The following ERBB4 variants were observed in gnomAD, a reference collection of about 807,000 sequenced individuals.
ERBB4 encodes receptor tyrosine-protein kinase erbB-4.
A neutral mutation model predicts 158.0 loss-of-function variants in ERBB4; 42 were observed. The ratio of observed to expected loss-of-function variants is 0.27; its 90% CI spans 0.21 to 0.34. The LOEUF (loss-of-function observed/expected upper bound fraction) is 0.34, where lower values mean the gene tolerates loss of function less well. Among genes scored for constraint, ERBB4 ranks in the 10% least tolerant of loss-of-function variants. The pLI is 1.00. For synonymous variants in ERBB4, 583 were observed against 558.7 expected, an observed-to-expected ratio of 1.04 and a Z score of -0.61; for missense variants, 1,333 against 1,624.1, an observed-to-expected ratio of 0.82 and a Z score of 3.08.
intron 2 of ERBB4, among the ~76,000 whole-genome samples, chr2:212,054,818 T>C (rs2077504426): frequency 6.6e-6 from 1 of 152,116 alleles, no homozygotes. Flanking sequence ...GATTAATATT[T>C]TGGAGTCCAA....
intron 20 of ERBB4, among the ~76,000 whole-genome samples, chr2:211,523,071 C>T (rs893163919): frequency 1.3e-5 from 2 of 149,840 alleles, no homozygotes; most frequent in African/African-American, 4.9e-5. Context: ...GGAAATAACA[C>T]TGGATAGAAT....
intron 1 of ERBB4, among the ~76,000 whole-genome samples, chr2:212,155,361 TC>T (rs2125636417): frequency 9.5e-6 from 1 of 105,742 alleles, no homozygotes; most frequent in East Asian, 2.0e-4. Context: ...AATAGTCATA[TC>T]CCACACCCCA....
intron 3 of ERBB4, among the ~76,000 whole-genome samples, chr2:211,935,849 A>G (rs1029106476): frequency 6.6e-6 from 1 of 152,184 alleles, no homozygotes; most frequent in Non-Finnish European, 1.5e-5. Flanking sequence ...AAGAGAGATC[A>G]TATTTGCAAA....
intron 1 of ERBB4, among the ~76,000 whole-genome samples, chr2:212,507,714 G>A (rs902063442): frequency 6.6e-6 from 1 of 152,136 alleles, no homozygotes; most frequent in African/African-American, 2.4e-5. Flanking sequence ...AACAGATGAG[G>A]AATTGCTTCT....
chr2:211,684,470 A>G (rs982201164), intron 12 of ERBB4, among the ~76,000 whole-genome samples: 7 of 151,720 alleles, frequency 4.6e-5, no homozygotes, highest in African/African-American at 1.7e-4. Flanking sequence ...ATAAAAAAAG[A>G]AAAGAAAAGA....
At chr2:211,884,440 A>G (rs1423392633) in intron 3 of ERBB4, among the ~76,000 whole-genome samples, 1 of 152,056 alleles carries the variant, frequency 6.6e-6, no homozygotes, top group Non-Finnish European at 1.5e-5. Flanking sequence ...TCTTACTTTT[A>G]TTTTTCCCTC....
At chr2:212,160,134 GA>G (rs2081160641) in intron 1 of ERBB4, among the ~76,000 whole-genome samples, 1 of 151,882 alleles carries the variant, frequency 6.6e-6, no homozygotes, top group African/African-American at 2.4e-5. Flanking sequence ...CCTTTCCTCA[GA>G]AGGGTGAATA....
chr2:212,341,902 T>G (rs1272759416), intron 1 of ERBB4, among the ~76,000 whole-genome samples: 1 of 152,138 alleles, frequency 6.6e-6, no homozygotes, highest in East Asian at 1.9e-4. Flanking sequence ...AGCACTGTTA[T>G]TAAATAATCA....
chr2:211,632,609 T>A lies in ERBB4; in HGVS notation c.1947-2015A>T, dbSNP rs961778420. Among the ~76,000 whole-genome samples, 7 of 148,870 alleles carry A rather than the reference T, an allele frequency of 4.7e-5. 1 individual carries two copies. The highest frequency in any genetic ancestry group is 1.8e-4 in the African/African-American group (7 of 39,768). ...TATGAAAAGAAAACGCTCTATTTTG[T>A]TTTTTGTTTGTTTCTTTGTTTGTTG... On this transcript the variant is annotated intron_variant, in intron 16 of 27. Transcript: ENST00000342788.
chr2:211,619,952 G>A (rs559126281), intron 18 of ERBB4, among the ~76,000 whole-genome samples: 135 of 152,106 alleles, frequency 8.9e-4, no homozygotes, highest in Non-Finnish European at 1.7e-3. Flanking sequence ...TATATTGGCC[G>A]TTGTTAGTTC....
intron 1 of ERBB4, among the ~76,000 whole-genome samples, chr2:212,188,226 CTCT>C (rs2082078344): frequency 5.6e-5 from 2 of 35,608 alleles, no homozygotes; most frequent in African/African-American, 2.1e-4. Flanking sequence ...CTCTCTCTCT[CTCT>C]CTCTCCCCCC....
chr2:212,327,151 T>C (rs533323695), intron 1 of ERBB4, among the ~76,000 whole-genome samples: 1 of 150,866 alleles, frequency 6.6e-6, no homozygotes, highest in Admixed American at 6.6e-5. Context: ...AGTATACTTC[T>C]GGTTACATGA....
intron 3 of ERBB4, among the ~76,000 whole-genome samples, chr2:211,933,705 C>T (rs1358828554): frequency 6.6e-6 from 1 of 151,882 alleles, no homozygotes; most frequent in African/African-American, 2.4e-5. Flanking sequence ...CAAGAAAAAC[C>T]CTCATCTTAA....
intron 1 of ERBB4, among the ~76,000 whole-genome samples, chr2:212,529,297 T>C (rs1247389774): frequency 2.6e-5 from 4 of 152,150 alleles, no homozygotes; most frequent in Non-Finnish European, 5.9e-5. Context: ...AACTACAAAA[T>C]ATTTACATGT....
In ERBB4 at chr2:212,327,116, C is replaced by T. The variant is rs139156213; in HGVS notation, c.83-202213G>A. On this transcript the variant is annotated intron_variant, in intron 1 of 27. Coordinates refer to ENST00000342788, the MANE Select transcript of ERBB4 (RefSeq NM_005235.3). ...CACCTGCTTCATGAAGTTTTTGAGA[C>T]GATTAAATGAGTTCATACGTGTGAA... 6.4e-4 allele frequency among the ~76,000 whole-genome samples: 96 copies of T among 150,466 alleles called. 3 individuals carry two copies. Among genetic ancestry groups the T allele is most frequent in the African/African-American group, 1.5e-3 (63 of 41,342 alleles).
intron 3 of ERBB4, among the ~76,000 whole-genome samples, chr2:211,820,847 T>C (rs368748799): frequency 5.9e-5 from 9 of 151,882 alleles, no homozygotes; most frequent in South Asian, 2.1e-4. Context: ...TATGTGATCA[T>C]CTTAATGGAT....
At chr2:211,920,973 C>T (rs1417301375) in intron 3 of ERBB4, among the ~76,000 whole-genome samples, 1 of 151,842 alleles carries the variant, frequency 6.6e-6, no homozygotes, top group African/African-American at 2.4e-5. Context: ...CTACAATCTA[C>T]ACAAATGTAT....
chr2:211,829,655 T>G (rs1466380259), intron 3 of ERBB4, among the ~76,000 whole-genome samples: 1 of 152,128 alleles, frequency 6.6e-6, no homozygotes, highest in Non-Finnish European at 1.5e-5. Context: ...TAACATATAT[T>G]GCATTAAAAA....
intron 3 of ERBB4, among the ~76,000 whole-genome samples, chr2:211,904,298 T>C (rs1008587819): frequency 6.6e-6 from 1 of 152,066 alleles, no homozygotes; most frequent in Admixed American, 6.6e-5. Flanking sequence ...CCTCAAAAAC[T>C]AATGAACTCA....
Sources: allele counts gnomAD v4.1 joint callset (sites outside exome capture counted in the v4.1 genomes callset), GRCh38; gene constraint gnomAD v4.1.1; transcripts MANE v1.5; gene names NCBI Gene and HGNC (gene_info 2026-07-23, HGNC 2026-07-21).